Variants in IQCK observed in about 807,000 individuals in gnomAD.
The protein encoded by IQCK is IQ domain-containing protein K.
In IQCK, 29 loss-of-function variants were observed where a neutral mutation model predicts 28.1. The ratio of observed to expected loss-of-function variants is 1.03; its 90% CI spans 0.77 to 1.41. The LOEUF is 1.41. IQCK is among the 40% of genes most tolerant of loss of function. The pLI, the probability that IQCK is intolerant of heterozygous loss-of-function variation, is 0.00. For missense variants in IQCK, 359 were observed against 314.7 expected, an observed-to-expected ratio of 1.14 and a Z score of -1.07; for synonymous variants, 113 against 115.1, an observed-to-expected ratio of 0.98 and a Z score of 0.12.
chr16:19,750,978 C>T (rs1027833078), intron 4 of IQCK, among the ~76,000 whole-genome samples: 5 of 151,880 alleles, frequency 3.3e-5, no homozygotes, highest in Non-Finnish European at 5.9e-5. Context: ...GTGGCAGGTA[C>T]GGTGATGAGG....
intron 5 of IQCK, 67 bp from the exon 6 acceptor site, chr16:19,763,968 A>G: frequency 6.3e-7 from 1 of 1,594,450 alleles, no homozygotes; most frequent in Non-Finnish European, 8.6e-7. Context: ...CAAGCAGAAT[A>G]GCAACAACTG....
chr16:19,804,798 C>T (rs991497588), intron 7 of IQCK, among the ~76,000 whole-genome samples: 1 of 152,224 alleles, frequency 6.6e-6, no homozygotes, highest in African/African-American at 2.4e-5. Flanking sequence ...AAACATTTCT[C>T]ATTCACAATA....
intron 4 of IQCK, among the ~76,000 whole-genome samples, chr16:19,748,476 A>T (rs1278294262): frequency 6.6e-6 from 1 of 152,266 alleles, no homozygotes; most frequent in African/African-American, 2.4e-5. Flanking sequence ...TGTATGTAGT[A>T]CATCGTAGTA....
chr16:19,839,767 G>A (rs2056343600), intron 9 of IQCK, among the ~76,000 whole-genome samples: 1 of 151,912 alleles, frequency 6.6e-6, no homozygotes, highest in Non-Finnish European at 1.5e-5. Context: ...AGGCCAAGTT[G>A]GGAGGATCAC....
chr16:19,848,399 G>A (rs370007074), intron 9 of IQCK, among the ~76,000 whole-genome samples: 6 of 152,284 alleles, frequency 3.9e-5, no homozygotes, highest in African/African-American at 1.4e-4. Context: ...AATACATTCC[G>A]GAACATCCAC....
chr16:19,848,536 C>T (rs2056439551), intron 9 of IQCK, among the ~76,000 whole-genome samples: 1 of 152,186 alleles, frequency 6.6e-6, no homozygotes, highest in East Asian at 1.9e-4. Context: ...TACTTAGCAG[C>T]AATTCAGCTT....
intron 9 of IQCK, among the ~76,000 whole-genome samples, chr16:19,848,431 T>G (rs1209975783): frequency 1.3e-5 from 2 of 152,226 alleles, no homozygotes; most frequent in African/African-American, 2.4e-5. Context: ...CTGTTTACTT[T>G]CAAGTTCTTG....
chr16:19,741,396 A>G (rs1237401671), intron 4 of IQCK, among the ~76,000 whole-genome samples: 1 of 152,212 alleles, frequency 6.6e-6, no homozygotes, highest in East Asian at 1.9e-4. Flanking sequence ...TGAAGGTTGC[A>G]TATCTAATAT....
chr16:19,789,227 AAAAAAAG>A (rs553993345), intron 7 of IQCK: 6 of 133,898 alleles, frequency 4.5e-5, no homozygotes, highest in South Asian at 2.4e-4. Context: ...CTGCCAAAAA[AAAAAAAG>A]AAAAAAGAAA....
intron 4 of IQCK, among the ~76,000 whole-genome samples, chr16:19,743,892 C>A (rs1465549197): frequency 6.6e-6 from 1 of 152,202 alleles, no homozygotes; most frequent in Non-Finnish European, 1.5e-5. Context: ...GGGAACAGAG[C>A]AGACAGAGAA....
In IQCK at chr16:19,730,259, T is replaced by TG. The variant is rs1310314136; in HGVS notation, c.182-170dup. On this transcript the variant is annotated intron_variant, in intron 1 of 7. Coordinates refer to ENST00000564186, the Ensembl canonical transcript of IQCK. ...GTGTGAGCCACCGCACCCGGCCTCT[T>TG]GCTGATTTTAAATACCATTAAATGT... is the stretch of plus-strand genomic sequence containing the variant. Among the ~76,000 whole-genome samples the TG allele has an allele frequency of 3.3e-5, 5 of 152,312 alleles. No individual in the cohort carries two copies. In the East Asian group the frequency reaches 5.8e-4, roughly 18 times the overall value.
At chr16:19,844,869 C>T (rs1034993882) in intron 9 of IQCK, among the ~76,000 whole-genome samples, 1 of 152,134 alleles carries the variant, frequency 6.6e-6, no homozygotes, top group African/African-American at 2.4e-5. Flanking sequence ...AGCACAGTGG[C>T]ACAATCTTGG....
At chr16:19,777,667 CTGGAGGTTTGACATG>C (rs2055413615) in intron 6 of IQCK, among the ~76,000 whole-genome samples, 3 of 152,130 alleles carry the variant, frequency 2.0e-5, no homozygotes, top group Admixed American at 2.0e-4. Context: ...CTCTCTTTTG[CTGGAGGTTTGACATG>C]TGGGTGGCCC....
intron 6 of IQCK, among the ~76,000 whole-genome samples, chr16:19,771,463 G>A (rs1434909720): frequency 2.0e-5 from 3 of 152,164 alleles, no homozygotes; most frequent in Non-Finnish European, 4.4e-5. Flanking sequence ...AATGGAGAAT[G>A]TGGAGAAATT....
chr16:19,727,969 G>A (rs1325344774), intron 1 of IQCK, among the ~76,000 whole-genome samples: 2 of 151,996 alleles, frequency 1.3e-5, no homozygotes, highest in Admixed American at 6.6e-5. Context: ...GCTAATCTAG[G>A]TGTGGCTGTC....
intron 9 of IQCK, among the ~76,000 whole-genome samples, chr16:19,839,862 G>A (rs1324421147): frequency 1.3e-5 from 2 of 152,068 alleles, no homozygotes; most frequent in Non-Finnish European, 1.5e-5. Flanking sequence ...GGGTAGCGTG[G>A]TGCATGCCTG....
At chr16:19,768,925 G>C (rs2055280299) in intron 6 of IQCK, among the ~76,000 whole-genome samples, 1 of 152,130 alleles carries the variant, frequency 6.6e-6, no homozygotes, top group African/African-American at 2.4e-5. Context: ...CGCTTAGCTG[G>C]GTGGTCGTGG....
intron 4 of IQCK, among the ~76,000 whole-genome samples, chr16:19,744,606 T>A (rs1050733087): frequency 1.3e-4 from 20 of 152,224 alleles, no homozygotes; most frequent in Non-Finnish European, 2.6e-4. Context: ...ACCTCCACAT[T>A]TCATGATACG....
downstream of IQCK, among the ~76,000 whole-genome samples, chr16:19,828,485 G>A (rs934279782): frequency 7.7e-4 from 116 of 151,274 alleles, 1 homozygote; most frequent in Admixed American, 2.4e-3. Flanking sequence ...TGATCTGCCC[G>A]CCTTGGCCTC....
Sources: allele counts gnomAD v4.1 joint callset (sites outside exome capture counted in the v4.1 genomes callset), GRCh38; gene constraint gnomAD v4.1.1; transcripts MANE v1.5; gene names NCBI Gene and HGNC (gene_info 2026-07-23, HGNC 2026-07-21).